COL5A2: variants seen among roughly 807,000 people sequenced by gnomAD.
COL5A2 encodes collagen type V alpha 2 chain.
A neutral mutation model predicts 208.2 loss-of-function variants in COL5A2; 23 were observed. The ratio of observed to expected loss-of-function variants is 0.11; its 90% CI spans 0.08 to 0.16. The LOEUF (loss-of-function observed/expected upper bound fraction) is 0.16, where lower values mean the gene tolerates loss of function less well. Ranked by LOEUF, COL5A2 falls within the 10% of genes least tolerant of loss-of-function variation. The pLI is 1.00. For missense variants in COL5A2, 1,590 were observed against 1,956.4 expected (o/e 0.81, Z 3.53); for synonymous variants, 625 against 628.5 (o/e 0.99, Z 0.08).
At chr2:189,154,075 T>C (rs1185031708) in intron 1 of COL5A2, among the ~76,000 whole-genome samples, 3 of 152,140 alleles carry the variant, frequency 2.0e-5, no homozygotes, top group African/African-American at 4.8e-5. Context: ...CTTGAAGTAA[T>C]ACATTTTTTA....
At chr2:189,389,766 T>C in the COL5A2 span, among the ~76,000 whole-genome samples, 1 of 152,184 alleles carries the variant, frequency 6.6e-6, no homozygotes, top group African/African-American at 2.4e-5. Context: ...ATTAATTGGA[T>C]CATTAATGGA....
intron 1 of COL5A2, among the ~76,000 whole-genome samples, chr2:189,120,949 T>C (rs748345290): frequency 3.9e-5 from 6 of 152,258 alleles, no homozygotes; most frequent in Non-Finnish European, 7.3e-5. Context: ...CAAATATTTA[T>C]CTGTTATTTT....
At chr2:189,316,239 A>G in the COL5A2 span, among the ~76,000 whole-genome samples, 3 of 152,166 alleles carry the variant, frequency 2.0e-5, no homozygotes, top group African/African-American at 7.2e-5. Flanking sequence ...ACTGGATAAA[A>G]AAATGTGGTA....
At chr2:189,265,747 G>A in the COL5A2 span, among the ~76,000 whole-genome samples, 1 of 152,074 alleles carries the variant, frequency 6.6e-6, no homozygotes. Context: ...TTAGCCACCA[G>A]GAAATCAAAA....
At chr2:189,332,999 A>G in the COL5A2 span, among the ~76,000 whole-genome samples, 2 of 152,208 alleles carry the variant, frequency 1.3e-5, no homozygotes, top group Non-Finnish European at 2.9e-5. Flanking sequence ...AGAAAACTGG[A>G]ATTATTTTAA....
intron 1 of COL5A2, among the ~76,000 whole-genome samples, chr2:189,116,718 A>G (rs1687398463): frequency 6.6e-6 from 1 of 152,144 alleles, no homozygotes; most frequent in African/African-American, 2.4e-5. Flanking sequence ...TATCCAAATT[A>G]TTACTTTTTC....
chr2:189,252,360 T>C, the COL5A2 span, among the ~76,000 whole-genome samples: 1 of 151,844 alleles, frequency 6.6e-6, no homozygotes, highest in East Asian at 1.9e-4. Context: ...TTGGAACCAA[T>C]CCAAATGTCC....
chr2:189,088,953 T>G lies in COL5A2; in HGVS notation c.568-181A>C, dbSNP rs60762885. Among the ~76,000 whole-genome samples the G allele has an allele frequency of 0.13, 20,479 of 152,210 alleles. 1,412 individuals carry two copies. The highest frequency in any genetic ancestry group is 0.19 in the Middle Eastern group (56 of 294). On this transcript the variant is annotated intron_variant, in intron 7 of 53. Coordinates refer to ENST00000374866, the MANE Select transcript of COL5A2 (RefSeq NM_000393.5). ...AGTTGCTTTGATTGTTTGTGCTTTT[T>G]ATTGACCATTCTTTCCCAGAGTATT... is the stretch of plus-strand genomic sequence containing the variant.
the COL5A2 span, among the ~76,000 whole-genome samples, chr2:189,364,104 A>G: frequency 6.6e-6 from 1 of 152,262 alleles, no homozygotes; most frequent in Non-Finnish European, 1.5e-5. Flanking sequence ...GTAATCTGTC[A>G]GGAACACATG....
chr2:189,303,051 A>G, the COL5A2 span, among the ~76,000 whole-genome samples: 2 of 152,182 alleles, frequency 1.3e-5, no homozygotes, highest in Non-Finnish European at 2.9e-5. Flanking sequence ...CTATCCATGA[A>G]ATTCCGAAGA....
intron 8 of COL5A2, among the ~76,000 whole-genome samples, chr2:189,088,149 G>T (rs60396510): frequency 0.13 from 20,185 of 152,096 alleles, 1,368 homozygotes; most frequent in Middle Eastern, 0.19. Context: ...AATAAAATTG[G>T]ATTGCTCCAA....
At chr2:189,256,613 C>A in the COL5A2 span, among the ~76,000 whole-genome samples, 2 of 152,150 alleles carry the variant, frequency 1.3e-5, no homozygotes, top group Non-Finnish European at 2.9e-5. Context: ...TTAGGAAAAT[C>A]TGGAGATCTT....
At chr2:189,040,505 T>C (rs1685537585) in intron 50 of COL5A2, among the ~76,000 whole-genome samples, 1 of 152,124 alleles carries the variant, frequency 6.6e-6, no homozygotes, top group African/African-American at 2.4e-5. Context: ...AGACACATAG[T>C]CCACATCTCA....
chr2:189,253,593 C>A, the COL5A2 span, among the ~76,000 whole-genome samples: 1 of 152,180 alleles, frequency 6.6e-6, no homozygotes, highest in Non-Finnish European at 1.5e-5. Flanking sequence ...CTTTATTGAA[C>A]CATTCTTCAT....
At chr2:189,348,831 T>C in the COL5A2 span, among the ~76,000 whole-genome samples, 1 of 152,122 alleles carries the variant, frequency 6.6e-6, no homozygotes, top group African/African-American at 2.4e-5. Flanking sequence ...CACACAGATA[T>C]CAATTCACAA....
At chr2:189,325,004 C>G in the COL5A2 span, among the ~76,000 whole-genome samples, 1 of 152,136 alleles carries the variant, frequency 6.6e-6, no homozygotes, top group Non-Finnish European at 1.5e-5. Context: ...ATGATGAGTT[C>G]ATGTCCTTTG....
At chr2:189,342,614 G>C in the COL5A2 span, among the ~76,000 whole-genome samples, 3 of 143,184 alleles carry the variant, frequency 2.1e-5, no homozygotes, top group African/African-American at 7.6e-5. Flanking sequence ...GTTTACCTTA[G>C]AGGCTACAGT....
At chr2:189,121,266 C>G (rs1369699420) in intron 1 of COL5A2, among the ~76,000 whole-genome samples, 1 of 151,546 alleles carries the variant, frequency 6.6e-6, no homozygotes, top group Non-Finnish European at 1.5e-5. Flanking sequence ...GCAGTTTTTT[C>G]CAAAAATTCA....
chr2:189,079,766 C>T (rs929257687), intron 14 of COL5A2, among the ~76,000 whole-genome samples: 6 of 152,012 alleles, frequency 3.9e-5, no homozygotes, highest in African/African-American at 1.4e-4. Flanking sequence ...TGGCAGACAC[C>T]CAGTGCTATG....
Sources: allele counts gnomAD v4.1 joint callset (sites outside exome capture counted in the v4.1 genomes callset), GRCh38; gene constraint gnomAD v4.1.1; transcripts MANE v1.5; gene names NCBI Gene and HGNC (gene_info 2026-07-23, HGNC 2026-07-21).